EHBP1: variants seen among roughly 807,000 people sequenced by gnomAD.
EHBP1 encodes EH domain-binding protein 1.
Under a neutral mutation model 144.0 loss-of-function variants are expected in EHBP1, and 55 were observed. The ratio of observed to expected loss-of-function variants is 0.38; its 90% CI spans 0.31 to 0.48. The LOEUF is 0.48. Among genes scored for constraint, EHBP1 ranks in the 20% least tolerant of loss-of-function variants. The pLI is 0.98. For synonymous variants in EHBP1, 469 were observed against 472.7 expected (o/e 0.99, Z 0.10); for missense variants, 1,200 against 1,364.2 (o/e 0.88, Z 1.90).
At chr2:63,016,474 A>G (rs1399526745) in intron 19 of EHBP1, among the ~76,000 whole-genome samples, 3 of 151,946 alleles carry the variant, frequency 2.0e-5, no homozygotes, top group Non-Finnish European at 4.4e-5. Context: ...CTTGTCGCCC[A>G]GGCTGGAGTG....
At chr2:62,789,813 G>A (rs1175024007) in intron 5 of EHBP1, among the ~76,000 whole-genome samples, 2 of 152,186 alleles carry the variant, frequency 1.3e-5, no homozygotes, top group Non-Finnish European at 2.9e-5. Flanking sequence ...ACCTCGTGAT[G>A]CTGTCACAGA....
intron 19 of EHBP1, among the ~76,000 whole-genome samples, chr2:63,031,610 T>C (rs1181954963): frequency 6.6e-6 from 1 of 152,058 alleles, no homozygotes; most frequent in Non-Finnish European, 1.5e-5. Flanking sequence ...GGATGCATCA[T>C]CATCCATATG....
At chr2:63,011,156 A>G (rs1011479486) in intron 19 of EHBP1, among the ~76,000 whole-genome samples, 2 of 151,586 alleles carry the variant, frequency 1.3e-5, no homozygotes, top group Non-Finnish European at 3.0e-5. Flanking sequence ...AAAAAAAAAA[A>G]AAAAAAAAGT....
intron 10 of EHBP1, among the ~76,000 whole-genome samples, chr2:62,917,198 T>C (rs1310488450): frequency 6.6e-6 from 1 of 152,158 alleles, no homozygotes; most frequent in Non-Finnish European, 1.5e-5. Context: ...AGTATTTGTG[T>C]ATCTAAACAT....
chr2:63,035,549 C>T (rs1160981335), intron 19 of EHBP1, among the ~76,000 whole-genome samples: 2 of 151,998 alleles, frequency 1.3e-5, no homozygotes, highest in African/African-American at 4.8e-5. Context: ...TAAGAGTAGG[C>T]TGATTGCTTC....
chr2:62,691,648 C>T (rs1051157472), intron 1 of EHBP1, among the ~76,000 whole-genome samples: 5 of 152,216 alleles, frequency 3.3e-5, no homozygotes, highest in African/African-American at 1.2e-4. Context: ...ATCCTCTAAT[C>T]CACTACCTTA....
chr2:62,841,485 TA>T (rs1333858496), intron 7 of EHBP1, among the ~76,000 whole-genome samples: 2 of 151,852 alleles, frequency 1.3e-5, no homozygotes, highest in Non-Finnish European at 2.9e-5. Context: ...AAACTTATAA[TA>T]AAAAAATAAA....
rs58527903 is a variant in EHBP1, at chr2:63,022,911, C to T, written c.3104-14624C>T. On this transcript the variant is annotated intron_variant, in intron 19 of 22. Transcript: ENST00000431489. ...ATTAGAGGCCGGGCACAGTGGCTCACGCCTGTAATCCTAGCATTTTGGGAG... is the reference window on the plus strand; with the variant it reads ...ATTAGAGGCCGGGCACAGTGGCTCATGCCTGTAATCCTAGCATTTTGGGAG... Among the ~76,000 whole-genome samples the T allele has an allele frequency of 4.8e-4, 73 of 152,198 alleles. 1 individual carries two copies. The East Asian group carries it at 0.012, about 25-fold the overall frequency.
At chr2:63,019,646 G>A (rs1324411498) in intron 19 of EHBP1, among the ~76,000 whole-genome samples, 2 of 151,478 alleles carry the variant, frequency 1.3e-5, no homozygotes, top group East Asian at 3.9e-4. Flanking sequence ...GGTGGAGGTT[G>A]CAATGAACCA....
rs180720748 is a variant in EHBP1 at position 62,707,689 on chromosome 2, T to A, written c.104+394T>A. On this transcript the variant is annotated intron_variant, in intron 2 of 22. Transcript: ENST00000431489. Reference sequence around the variant, plus strand: ...AACAGGCATATGATTTAATAGAGTTTTAATATAGAAGTCTATATTCTTGTG... The same window carrying A: ...AACAGGCATATGATTTAATAGAGTTATAATATAGAAGTCTATATTCTTGTG... 2.0e-5 allele frequency among the ~76,000 whole-genome samples: 3 copies of A among 152,368 alleles called. No homozygotes were observed. The East Asian group carries it at 5.8e-4, about 29-fold the overall frequency.
At chr2:62,744,680 A>G (rs2038994421) in intron 2 of EHBP1, among the ~76,000 whole-genome samples, 1 of 152,148 alleles carries the variant, frequency 6.6e-6, no homozygotes, top group South Asian at 2.1e-4. Flanking sequence ...CATCAGGCAT[A>G]TATACAGCTT....
intron 5 of EHBP1, among the ~76,000 whole-genome samples, chr2:62,798,362 C>T (rs369919471): frequency 1.1e-4 from 16 of 149,106 alleles, no homozygotes; most frequent in East Asian, 2.0e-4. Flanking sequence ...AGTGAGACTC[C>T]GTCAAAAAAA....
At chr2:62,681,220 C>G (rs544279561) in intron 1 of EHBP1, among the ~76,000 whole-genome samples, 2 of 150,108 alleles carry the variant, frequency 1.3e-5, no homozygotes, top group Non-Finnish European at 3.0e-5. Flanking sequence ...GCAGGAGAAT[C>G]GCTTGAACCT....
intron 20 of EHBP1, among the ~76,000 whole-genome samples, chr2:63,038,270 T>C (rs868410058): frequency 7.9e-5 from 12 of 152,108 alleles, no homozygotes; most frequent in African/African-American, 2.9e-4. Context: ...TGAAAAAGTC[T>C]AATTTTATAA....
intron 14 of EHBP1, among the ~76,000 whole-genome samples, chr2:62,973,034 G>A (rs2058564446): frequency 6.6e-6 from 1 of 152,128 alleles, no homozygotes; most frequent in Admixed American, 6.6e-5. Flanking sequence ...AATTGATAAA[G>A]TTCCTAATTA....
At chr2:62,855,399 G>GGCACCCATTGGCACCTACAC (rs2048969366) in intron 7 of EHBP1, among the ~76,000 whole-genome samples, 1 of 152,138 alleles carries the variant, frequency 6.6e-6, no homozygotes, top group East Asian at 1.9e-4. Context: ...CTGGCCTGCA[G>GGCACCCATTGGCACCTACAC]GCACCCATTG....
At chr2:62,960,028 T>A (rs546804295) in intron 14 of EHBP1, among the ~76,000 whole-genome samples, 1 of 152,258 alleles carries the variant, frequency 6.6e-6, no homozygotes, top group African/African-American at 2.4e-5. Context: ...AGTGAGAATT[T>A]ACAGGGGATT....
At chr2:63,038,624 G>T (rs1320103915) in intron 20 of EHBP1, 119 bp from the exon 21 acceptor site, 1 of 808,184 alleles carries the variant, frequency 1.2e-6, no homozygotes, top group Admixed American at 2.2e-5. Context: ...ATTTGGAGTG[G>T]CTTAAACTTA....
At chr2:62,950,959 A>G (rs1224545265) in intron 13 of EHBP1, among the ~76,000 whole-genome samples, 2 of 152,204 alleles carry the variant, frequency 1.3e-5, no homozygotes, top group African/African-American at 4.8e-5. Context: ...TGCTGAGATT[A>G]CAGGTGTGAG....
Sources: allele counts gnomAD v4.1 joint callset (sites outside exome capture counted in the v4.1 genomes callset), GRCh38; gene constraint gnomAD v4.1.1; transcripts MANE v1.5; gene names NCBI Gene and HGNC (gene_info 2026-07-23, HGNC 2026-07-21).